SNTG1: variants seen among roughly 807,000 people sequenced by gnomAD.
The protein encoded by SNTG1 is syntrophin gamma 1.
SNTG1 carries 39 observed loss-of-function variants against 74.7 expected under a neutral mutation model. The observed-to-expected ratio is 0.52, with a 90% CI of 0.40 to 0.68. The LOEUF (loss-of-function observed/expected upper bound fraction) is 0.68, where lower values mean the gene tolerates loss of function less well. SNTG1 is among the 30% of genes least tolerant of loss of function. SNTG1 has a pLI of 0.00. For missense variants in SNTG1, 685 were observed against 609.5 expected (o/e 1.12, Z -1.30); for synonymous variants, 254 against 217.1 (o/e 1.17, Z -1.49).
At chr8:50,521,852 T>C (rs1020573100) in intron 9 of SNTG1, among the ~76,000 whole-genome samples, 3 of 152,240 alleles carry the variant, frequency 2.0e-5, no homozygotes, top group Admixed American at 1.3e-4. Context: ...CTACTTCTGA[T>C]TGTAATTCTC....
intron 13 of SNTG1, among the ~76,000 whole-genome samples, chr8:50,642,705 G>A (rs769971317): frequency 1.1e-4 from 16 of 152,008 alleles, no homozygotes; most frequent in Admixed American, 2.0e-4. Context: ...TAGGGCAATC[G>A]CAGCTACAAT....
intron 17 of SNTG1, chr8:50,747,710 T>G (rs948582726): frequency 4.6e-5 from 7 of 151,974 alleles, no homozygotes; most frequent in African/African-American, 1.7e-4. Context: ...ACAAAAATTT[T>G]CACACTTCGT....
intron 2 of SNTG1, among the ~76,000 whole-genome samples, chr8:50,263,466 C>A (rs2087299618): frequency 6.6e-6 from 1 of 151,840 alleles, no homozygotes; most frequent in African/African-American, 2.4e-5. Flanking sequence ...GAAAGTGTCT[C>A]TAGGAGACAC....
chr8:50,233,047 G>A (rs1011170120), intron 2 of SNTG1, among the ~76,000 whole-genome samples: 3 of 151,396 alleles, frequency 2.0e-5, no homozygotes, highest in African/African-American at 7.3e-5. Context: ...ATATGTTGTG[G>A]ATATAGACGT....
chr8:50,764,510 T>C (rs754464509), intron 18 of SNTG1, among the ~76,000 whole-genome samples: 1 of 151,956 alleles, frequency 6.6e-6, no homozygotes, highest in Non-Finnish European at 1.5e-5. Context: ...AACATTTATG[T>C]ACATGTGAAC....
intron 4 of SNTG1, among the ~76,000 whole-genome samples, chr8:50,420,405 T>C (rs2131451308): frequency 6.6e-6 from 1 of 152,046 alleles, no homozygotes; most frequent in South Asian, 2.1e-4. Context: ...AAATTGTCAA[T>C]CCAAAATTCT....
At chr8:50,109,776 A>G (rs1480413460) in intron 1 of SNTG1, among the ~76,000 whole-genome samples, 1 of 152,178 alleles carries the variant, frequency 6.6e-6, no homozygotes, top group Non-Finnish European at 1.5e-5. Context: ...GAGAGTTTAC[A>G]TAGAGAGACA....
chr8:50,031,483 A>G (rs1171270564), intron 1 of SNTG1, among the ~76,000 whole-genome samples: 2 of 152,046 alleles, frequency 1.3e-5, no homozygotes, highest in Non-Finnish European at 1.5e-5. Context: ...GATTCTCTTT[A>G]TCACATTGAG....
intron 17 of SNTG1, among the ~76,000 whole-genome samples, chr8:50,713,964 C>G (rs918892095): frequency 4.7e-5 from 7 of 149,398 alleles, no homozygotes; most frequent in African/African-American, 1.7e-4. Context: ...GAGGCTGAGG[C>G]AGGAGAATTG....
intron 4 of SNTG1, among the ~76,000 whole-genome samples, chr8:50,433,529 G>T (rs987645131): frequency 6.6e-6 from 1 of 150,928 alleles, no homozygotes; most frequent in Non-Finnish European, 1.5e-5. Flanking sequence ...GGCCTGTTGG[G>T]ATAGAAAGAA....
At chr8:50,351,998 G>A (rs1029713597) in intron 2 of SNTG1, among the ~76,000 whole-genome samples, 1 of 152,198 alleles carries the variant, frequency 6.6e-6, no homozygotes, top group African/African-American at 2.4e-5. Context: ...TCCTGCCATA[G>A]AGATTTTACT....
At chr8:50,086,441 G>T (rs189320211) in intron 1 of SNTG1, among the ~76,000 whole-genome samples, 2 of 152,230 alleles carry the variant, frequency 1.3e-5, no homozygotes, top group East Asian at 1.9e-4. Flanking sequence ...GGGATATGTA[G>T]AAAAAGGGTC....
intron 4 of SNTG1, among the ~76,000 whole-genome samples, chr8:50,403,743 A>G (rs898439912): frequency 2.0e-5 from 3 of 152,208 alleles, no homozygotes; most frequent in South Asian, 2.1e-4. Context: ...AAATTCAAAA[A>G]AGCATTTGAC....
intron 1 of SNTG1, among the ~76,000 whole-genome samples, chr8:49,913,674 A>G (rs902103169): frequency 6.6e-6 from 1 of 152,230 alleles, no homozygotes; most frequent in Non-Finnish European, 1.5e-5. Flanking sequence ...CAGAAAACCT[A>G]CAATGTGCTC....
chr8:50,625,147 A>G (rs56838626), intron 13 of SNTG1, among the ~76,000 whole-genome samples: 6,556 of 152,252 alleles, frequency 0.043, 248 homozygotes, highest in African/African-American at 0.095. Context: ...ACATGTATAC[A>G]CTAAGTTCAA....
intron 1 of SNTG1, among the ~76,000 whole-genome samples, chr8:50,009,880 C>T (rs546385644): frequency 8.5e-5 from 13 of 152,120 alleles, no homozygotes; most frequent in African/African-American, 3.1e-4. Context: ...ATGCCTGTAG[C>T]CCCAGCTACT....
chr8:50,606,547 A>G (rs1215559149), intron 13 of SNTG1, among the ~76,000 whole-genome samples: 2 of 151,920 alleles, frequency 1.3e-5, no homozygotes, highest in Non-Finnish European at 2.9e-5. Flanking sequence ...TGAATTCTTT[A>G]TTTCATTTTG....
chr8:49,928,160 T>TAAAC (rs1441703788), intron 1 of SNTG1, among the ~76,000 whole-genome samples: 1 of 147,936 alleles, frequency 6.8e-6, no homozygotes, highest in Non-Finnish European at 1.5e-5. Context: ...AATAAATAAA[T>TAAAC]AAATAAATAA....
chr8:50,589,483 C>T (rs1028219136), intron 12 of SNTG1, among the ~76,000 whole-genome samples: 8 of 152,000 alleles, frequency 5.3e-5, no homozygotes, highest in Non-Finnish European at 1.0e-4. Flanking sequence ...TCAACCACTA[C>T]TTTCTATCCC....
Sources: gnomAD v4.1 joint callset for allele counts (sites outside exome capture counted in the v4.1 genomes callset) on GRCh38, gnomAD v4.1.1 for gene constraint, MANE v1.5 for transcripts, NCBI Gene and HGNC (gene_info 2026-07-23, HGNC 2026-07-21) for gene names.